HECTD3: variants seen among roughly 807,000 people sequenced by gnomAD.
HECTD3 encodes the protein HECT domain E3 ubiquitin protein ligase 3, also known as E3 ubiquitin-protein ligase HECTD3.
Under a neutral mutation model 109.3 loss-of-function variants are expected in HECTD3, and 72 were observed. That is an observed-to-expected ratio of 0.66 (90% confidence interval 0.54 to 0.80). The LOEUF (loss-of-function observed/expected upper bound fraction) is 0.80, where lower values mean the gene tolerates loss of function less well. Ranked by LOEUF, HECTD3 falls within the 30% of genes least tolerant of loss-of-function variation. HECTD3 has a pLI of 0.00. For synonymous variants in HECTD3, 481 were observed against 471.8 expected (o/e 1.02, Z -0.25); for missense variants, 1,041 against 1,165.2 (o/e 0.89, Z 1.55).
Position 45,004,040 on chromosome 1 carries a change from C to T in HECTD3, c.2347+20G>A, listed in dbSNP as rs1186386099. 1.2e-6 allele frequency: 2 copies of T among 1,613,904 alleles called. No individual in the cohort carries two copies. Among genetic ancestry groups the T allele is most frequent in the Admixed American group, 1.7e-5 (1 of 60,000 alleles). ...CAGCAGAGTCCAAACCCAGGTGTCA[C>T]CCTGCCCTCCTCCACTGACCGTTGG... On this transcript the variant is annotated intron_variant, in intron 18 of 20. Transcript: ENST00000372172.
intron 14 of HECTD3, 40 bp downstream of exon 14, chr1:45,005,957 C>T: frequency 1.2e-6 from 2 of 1,610,808 alleles, no homozygotes; most frequent in Non-Finnish European, 1.7e-6. Flanking sequence ...CTTCCAAGGG[C>T]CAGGGCTGAT....
chr1:45,010,143 A>G (rs1644771667), intron 3 of HECTD3, 22 bp from the exon 4 acceptor site: 1 of 1,613,462 alleles, frequency 6.2e-7, no homozygotes, highest in Admixed American at 1.7e-5. Flanking sequence ...CAAGCCCCTA[A>G]TTAGACTGGG....
intron 2 of HECTD3, 80 bp downstream of exon 2, chr1:45,010,466 C>G (rs1644778610): frequency 1.3e-6 from 2 of 1,573,742 alleles, no homozygotes; most frequent in African/African-American, 2.7e-5. Flanking sequence ...TCCCACCCAC[C>G]CCAGGCTGTG....
Position 45,006,301 on chromosome 1 carries a change from T to G in HECTD3, c.1726-185A>C. ...GAGCAACTCAGTCCCTCCTCTGCCC[T>G]ATTTCTATTTTTTTTTTTTTTTGAG... is the stretch of plus-strand genomic sequence containing the variant. On this transcript the variant is annotated intron_variant, in intron 13 of 20. Coordinates refer to ENST00000372172, the MANE Select transcript of HECTD3 (RefSeq NM_024602.6). The surrounding 1 kb of genome is among the most constrained non-coding windows in gnomAD (Gnocchi z 4.7). 2 of 596,126 alleles carry G rather than the reference T, an allele frequency of 3.4e-6. No homozygotes were observed. Among genetic ancestry groups the G allele is most frequent in the South Asian group, 2.5e-5 (1 of 40,366 alleles). 36.9% of individuals were successfully genotyped at this position (596,126 alleles called of 1,614,324 possible).
At chr1:45,004,530 G>A in intron 16 of HECTD3, 70 bp downstream of exon 16, 3 of 1,598,566 alleles carry the variant, frequency 1.9e-6, no homozygotes, top group Non-Finnish European at 2.6e-6. Context: ...TACAGGCTGT[G>A]TTCTGGGTCC....
At chr1:45,004,891 G>C in intron 15 of HECTD3, 85 bp from the exon 16 acceptor site, 1 of 1,252,704 alleles carries the variant, frequency 8.0e-7, no homozygotes, top group Admixed American at 1.7e-5. Context: ...CAGGGAAGCA[G>C]AGACAGCCAG....
At chr1:45,004,963 A>C (rs1644721717) in intron 15 of HECTD3, 157 bp from the exon 16 acceptor site, 1 of 685,126 alleles carries the variant, frequency 1.5e-6, no homozygotes, top group African/African-American at 1.8e-5. Context: ...CTGTAAAAGC[A>C]TCAAGACAAC....
intron 4 of HECTD3, 151 bp from the exon 5 acceptor site, chr1:45,009,834 G>A (rs1035056772): frequency 3.6e-6 from 4 of 1,102,890 alleles, no homozygotes; most frequent in African/African-American, 1.6e-5. Flanking sequence ...TATGTAAGGG[G>A]TCCTATAGAC....
At chr1:45,005,687 G>T in intron 15 of HECTD3, 107 bp downstream of exon 15, 1 of 868,900 alleles carries the variant, frequency 1.2e-6, no homozygotes, top group Non-Finnish European at 1.8e-6. Flanking sequence ...TGGATGGATT[G>T]GAGAGGGATC....
Position 45,005,784 on chromosome 1 carries a change from T to G in HECTD3, c.1935+10A>C. 6.3e-7 allele frequency: 1 copy of G among 1,575,672 alleles called. No individual in the cohort carries two copies. Among genetic ancestry groups the G allele is most frequent in the Non-Finnish European group, 8.6e-7 (1 of 1,163,126 alleles). ...GGGCAGAGGAAACACTGGTTCCAGG[T>G]CCTACTCACCAGCACAGAGTCCACA... On this transcript the variant is annotated intron_variant, in intron 15 of 20. Transcript: ENST00000372172.
intron 15 of HECTD3, 103 bp downstream of exon 15, chr1:45,005,691 A>G: frequency 1.1e-6 from 1 of 895,574 alleles, no homozygotes; most frequent in Non-Finnish European, 1.7e-6. Context: ...TGGATTGGAG[A>G]GGGATCTTGT....
chr1:45,004,821 GA>G lies in HECTD3; in HGVS notation c.1936-16del. 1.2e-6 allele frequency: 2 copies of G among 1,609,422 alleles called. No homozygotes were observed. Among genetic ancestry groups the G allele is most frequent in the Non-Finnish European group, 1.7e-6 (2 of 1,175,650 alleles). On this transcript the variant is annotated splice_polypyrimidine_tract_variant and intron_variant, in intron 15 of 20. Coordinates refer to ENST00000372172, the MANE Select transcript of HECTD3 (RefSeq NM_024602.6). ...AGGAGCTTCACCTAGGGGTTGGAGA[GA>G]GGCAGGGAGGTAACCTTTTCACTGT...
At chr1:45,008,801 G>T in intron 7 of HECTD3, 100 bp from the exon 8 acceptor site, 2 of 1,157,316 alleles carry the variant, frequency 1.7e-6, no homozygotes, top group Non-Finnish European at 2.5e-6. Flanking sequence ...TTGTGTCACC[G>T]TTAGCCCCTA....
chr1:45,009,082 T>C, intron 7 of HECTD3, 62 bp downstream of exon 7: 1 of 1,280,138 alleles, frequency 7.8e-7, no homozygotes. Context: ...CCACACACAC[T>C]CTCTGTTTGC....
intron 7 of HECTD3, 55 bp downstream of exon 7, chr1:45,009,085 CTGTT>C: frequency 1.1e-5 from 15 of 1,313,174 alleles, no homozygotes; most frequent in Middle Eastern, 1.8e-4. Context: ...CACACACTCT[CTGTT>C]TGCCCCCATC....
In HECTD3 at chr1:45,011,111, G is replaced by A. The variant is rs753613961; in HGVS notation, c.147C>T (p.Tyr49=). 4 of 1,513,304 alleles carry A rather than the reference G, an allele frequency of 2.6e-6. No individual in the cohort carries two copies. In the Admixed American group the frequency reaches 6.4e-5, roughly 24 times the overall value. 93.7% of individuals were successfully genotyped at this position (1,513,304 alleles called of 1,614,324 possible). A position where few individuals can be genotyped will look rare whatever the true frequency, so the allele number is the denominator to read the frequency against. The change falls in exon 1 of 21, where the codon TAC becomes TAT. Residue 49 remains tyrosine, a synonymous_variant. Coordinates refer to ENST00000372172, the MANE Select transcript of HECTD3 (RefSeq NM_024602.6). ...GTCCCGCTGGGTCCTTGTAAAGCTT[G>A]TAGAGCACCTCTCGCGGCACGAAAG... The part of the protein sequence containing the change: ...ALAFVPREVL[Y]KLYKDPAGPS...
In HECTD3 at chr1:45,003,897, C is replaced by A; in HGVS notation, c.2387G>T (p.Ser796Ile). ...GATGTAGATCCGTGCTGGCAGGCGA[C>A]TGCGGCCCGTGACAAAGCGCAGGAA... Reference protein sequence around the residue: ...SRFLRFVTGRSRLPARIYIYP... With the variant: ...SRFLRFVTGRIRLPARIYIYP... Residue 796 changes from serine (S) to isoleucine (I), a missense_variant, in exon 19 of 21, where the codon AGT becomes ATT. Around this residue, in one of 2 missense-constraint regions of HECTD3, gnomAD observed 569 missense variants for 715.3 expected, o/e 0.80. Coordinates refer to ENST00000372172, the MANE Select transcript of HECTD3 (RefSeq NM_024602.6). This position sits in a 1 kb window ranked among gnomAD's most constrained non-coding sequence, Gnocchi z 4.7. 6.2e-7 allele frequency: 1 copy of A among 1,613,502 alleles called. No homozygotes were observed. The highest frequency in any genetic ancestry group is 8.5e-7 in the Non-Finnish European group (1 of 1,179,700).
In HECTD3 at chr1:45,010,930, C is replaced by T; in HGVS notation, c.328G>A (p.Glu110Lys). Reference protein sequence around the residue: ...RGACVRTTGEELCNGHGLWVK... With the variant: ...RGACVRTTGEKLCNGHGLWVK... ...CAGAGCCCGTGGCCATTGCACAGCT[C>T]CTCGCCCGTGGTGCGCACGCAGGCG... The change falls in exon 1 of 21, where the codon GAG (glutamate) becomes AAG (lysine). Residue 110 changes from glutamate to lysine, a missense_variant. Physicochemically the swap from Glu to Lys is moderately conservative, Grantham distance 56. Coordinates refer to ENST00000372172, the MANE Select transcript of HECTD3 (RefSeq NM_024602.6). The T allele has an allele frequency of 6.5e-7, 1 of 1,548,048 alleles. No individual in the cohort carries two copies. Among genetic ancestry groups the T allele is most frequent in the Non-Finnish European group, 8.6e-7 (1 of 1,159,286 alleles).
chr1:45,004,117 C>T lies in HECTD3; in HGVS notation c.2290G>A (p.Glu764Lys), dbSNP rs1483805732. ...TACTGCACCCGCGAGTCAGATGGCT[C>T]GAAGTCCTCAAACCGGGCTGGTGGA... ...LRKLTRFEDF[E>K]PSDSRVQYFW... The change falls in exon 18 of 21, where the codon GAG becomes AAG. Residue 764 changes from glutamate to lysine, a missense_variant. Physicochemically the swap from Glu to Lys is moderately conservative, Grantham distance 56. Coordinates refer to ENST00000372172, the MANE Select transcript of HECTD3 (RefSeq NM_024602.6). The T allele has an allele frequency of 2.5e-6, 4 of 1,614,084 alleles. No homozygotes were observed. Among genetic ancestry groups the T allele is most frequent in the Admixed American group, 3.3e-5 (2 of 60,024 alleles).
Sources: allele counts gnomAD v4.1 joint callset, GRCh38; gene constraint gnomAD v4.1.1; regional missense constraint gnomAD v4.1.1; non-coding constraint Gnocchi (gnomAD v3.1); transcripts MANE v1.5; gene names NCBI Gene and HGNC (gene_info 2026-07-23, HGNC 2026-07-21).